Variants in CDH20 observed in about 807,000 individuals in gnomAD.
CDH20 encodes the protein cadherin-20.
CDH20 carries 29 observed loss-of-function variants against 74.2 expected under a neutral mutation model. That is an observed-to-expected ratio of 0.39 (90% CI 0.29 to 0.53). The LOEUF is 0.53. Among genes scored for constraint, CDH20 ranks in the 20% least tolerant of loss-of-function variants. The pLI is 0.69. For missense variants in CDH20, 988 were observed against 1,048.3 expected, an observed-to-expected ratio of 0.94 and a Z score of 0.79; for synonymous variants, 469 against 405.4, an observed-to-expected ratio of 1.16 and a Z score of -1.88.
chr18:61,432,894 T>TATTA (rs1913303654), intron 1 of CDH20, among the ~76,000 whole-genome samples: 1 of 152,204 alleles, frequency 6.6e-6, no homozygotes, highest in African/African-American at 2.4e-5. Context: ...CCCCTTTATT[T>TATTA]ATTATGCAAA....
intron 6 of CDH20, among the ~76,000 whole-genome samples, chr18:61,514,778 C>T (rs1298660017): frequency 1.3e-5 from 2 of 152,002 alleles, no homozygotes; most frequent in Admixed American, 6.6e-5. Flanking sequence ...GTCAGTGTGC[C>T]TCTGCTGGGG....
In CDH20 at chr18:61,335,938, A is replaced by T. The variant is rs1495806; in HGVS notation, c.-153+2111A>T. Among the ~76,000 whole-genome samples, 814 of 152,258 alleles carry T rather than the reference A, an allele frequency of 5.3e-3. 3 individuals carry two copies. The highest frequency in any genetic ancestry group is 9.2e-3 in the Non-Finnish European group (627 of 68,008). ...TAGAAAAATTATCTTTCGTTTGGGG[A>T]GAGTTGCCGGGAAATTTAATCAGTG... On this transcript the variant is annotated intron_variant, in intron 1 of 11. Transcript: ENST00000262717.
At chr18:61,401,088 T>A (rs1213460001) in intron 1 of CDH20, among the ~76,000 whole-genome samples, 5 of 152,172 alleles carry the variant, frequency 3.3e-5, no homozygotes, top group Non-Finnish European at 7.3e-5. Context: ...TGCAGCTGCA[T>A]CTCCAGCATC....
intron 1 of CDH20, among the ~76,000 whole-genome samples, chr18:61,432,244 C>CA (rs552208549): frequency 0.26 from 21,384 of 81,500 alleles, 2,135 homozygotes; most frequent in Middle Eastern, 0.28. Context: ...AACTCTATCT[C>CA]AAAAAAAAAA....
intron 1 of CDH20, among the ~76,000 whole-genome samples, chr18:61,383,649 C>T (rs1372200770): frequency 6.6e-6 from 1 of 152,016 alleles, no homozygotes; most frequent in Non-Finnish European, 1.5e-5. Flanking sequence ...ATTTCAGTTA[C>T]CTGAAATATT....
At chr18:61,384,761 A>G (rs1427208832) in intron 1 of CDH20, among the ~76,000 whole-genome samples, 1 of 152,218 alleles carries the variant, frequency 6.6e-6, no homozygotes, top group Non-Finnish European at 1.5e-5. Flanking sequence ...CTTTAAAAAA[A>G]CTAAAAAGCA....
intron 1 of CDH20, among the ~76,000 whole-genome samples, chr18:61,336,818 G>T (rs1909776535): frequency 3.3e-4 from 1 of 3,002 alleles, no homozygotes; most frequent in South Asian, 0.036. Flanking sequence ...CAGAATATAT[G>T]GGGGGGGGTG....
chr18:61,348,476 C>A (rs1320688311), intron 1 of CDH20, among the ~76,000 whole-genome samples: 1 of 152,138 alleles, frequency 6.6e-6, no homozygotes, highest in African/African-American at 2.4e-5. Flanking sequence ...TAACCTGCTT[C>A]AAAGCAGACT....
At position 61,490,571 on chromosome 18, in the gene CDH20, A is replaced by G. The variant is rs753962275; in HGVS notation, c.18A>G (p.Arg6=). 3 of 1,613,986 alleles carry G rather than the reference A, an allele frequency of 1.9e-6. No individual in the cohort carries two copies. The highest frequency in any genetic ancestry group is 3.3e-5 in the Admixed American group (2 of 60,012). MWTSG[R]MSNAKNWLGL... is the part of the protein sequence containing the mutation. The stretch of plus-strand genomic sequence containing the variant: ...GCAATCCCATGTGGACTTCTGGTAG[A>G]ATGAGCAATGCAAAGAACTGGCTTG... Residue 6 remains arginine, a synonymous_variant, in exon 2 of 12, where the codon AGA becomes AGG. Coordinates refer to ENST00000262717, the MANE Select transcript of CDH20 (RefSeq NM_031891.4).
chr18:61,422,333 TTCTC>T (rs1912910532), intron 1 of CDH20, among the ~76,000 whole-genome samples: 1 of 152,202 alleles, frequency 6.6e-6, no homozygotes, highest in Non-Finnish European at 1.5e-5. Flanking sequence ...GGTTGTCAAT[TTCTC>T]TATCTTTCCA....
At chr18:61,381,882 T>G (rs1027826445) in intron 1 of CDH20, among the ~76,000 whole-genome samples, 1 of 152,220 alleles carries the variant, frequency 6.6e-6, no homozygotes, top group African/African-American at 2.4e-5. Context: ...TCTTTTATAT[T>G]CCGCATCTCA....
chr18:61,541,100 A>G (rs1913018446), intron 9 of CDH20, among the ~76,000 whole-genome samples: 1 of 152,182 alleles, frequency 6.6e-6, no homozygotes, highest in Non-Finnish European at 1.5e-5. Context: ...GATCCATGTT[A>G]TTATAAGTAA....
intron 6 of CDH20, among the ~76,000 whole-genome samples, chr18:61,519,263 T>C (rs867861911): frequency 2.0e-4 from 30 of 150,984 alleles, no homozygotes; most frequent in South Asian, 2.1e-4. Flanking sequence ...ATTCAGGAAA[T>C]ACAGAGAACA....
At chr18:61,524,920 A>G (rs1310835439) in intron 6 of CDH20, among the ~76,000 whole-genome samples, 4 of 142,864 alleles carry the variant, frequency 2.8e-5, no homozygotes, top group Non-Finnish European at 3.1e-5. Context: ...GACGCTGTCT[A>G]AAAAAAAAAA....
At position 61,499,177 on chromosome 18, in the gene CDH20, C is replaced by A; in HGVS notation, c.247-9C>A. 2 of 1,520,934 alleles carry A rather than the reference C, an allele frequency of 1.3e-6. No homozygotes were observed. Among genetic ancestry groups the A allele is most frequent in the Non-Finnish European group, 1.8e-6 (2 of 1,132,450 alleles). 94.2% of individuals were successfully genotyped at this position (1,520,934 alleles called of 1,614,324 possible). A position where few individuals can be genotyped will look rare whatever the true frequency, so the allele number is the denominator to read the frequency against. ...TTCATGATGAGAATTAGGTGCTTTC[C>A]TCTCCCAGCTTCATTCAGATATGGA... On this transcript the variant is annotated splice_polypyrimidine_tract_variant and intron_variant, in intron 2 of 11. Coordinates refer to ENST00000262717, the MANE Select transcript of CDH20 (RefSeq NM_031891.4).
chr18:61,439,512 G>A lies in CDH20; in HGVS notation c.-152-50890G>A, dbSNP rs529659603. 8.1e-4 allele frequency among the ~76,000 whole-genome samples: 123 copies of A among 152,166 alleles called. 2 individuals carry two copies. The highest frequency in any genetic ancestry group is 2.6e-3 in the African/African-American group (108 of 41,542). ...TATACCATAAATAATAGGTGTTAGA[G>A]CACTTTTCTGTGTAACATGTTGTGT... On this transcript the variant is annotated intron_variant, in intron 1 of 11. Coordinates refer to ENST00000262717, the MANE Select transcript of CDH20 (RefSeq NM_031891.4).
intron 1 of CDH20, among the ~76,000 whole-genome samples, chr18:61,454,748 T>A (rs1909515137): frequency 6.6e-6 from 1 of 152,214 alleles, no homozygotes; most frequent in Non-Finnish European, 1.5e-5. Flanking sequence ...ATAGTTCAAG[T>A]AGACACAGTA....
At chr18:61,501,385 A>G (rs1431896456) in intron 4 of CDH20, among the ~76,000 whole-genome samples, 1 of 152,094 alleles carries the variant, frequency 6.6e-6, no homozygotes, top group African/African-American at 2.4e-5. Context: ...CCTCTTATTA[A>G]TACTTTCATA....
intron 1 of CDH20, among the ~76,000 whole-genome samples, chr18:61,418,896 A>G (rs1273205290): frequency 6.6e-6 from 1 of 151,882 alleles, no homozygotes; most frequent in Admixed American, 6.6e-5. Context: ...TGTTTTATGG[A>G]TTTTTTCCAT....
Sources: gnomAD v4.1 joint callset for allele counts (sites outside exome capture counted in the v4.1 genomes callset) on GRCh38, gnomAD v4.1.1 for gene constraint, MANE v1.5 for transcripts, NCBI Gene and HGNC (gene_info 2026-07-23, HGNC 2026-07-21) for gene names.